Variants in APPL2 observed in about 807,000 individuals in gnomAD.
APPL2 encodes the protein DCC-interacting protein 13-beta.
APPL2 carries 84 observed loss-of-function variants against 92.7 expected under a neutral mutation model. The ratio of observed to expected loss-of-function variants is 0.91; its 90% CI spans 0.76 to 1.09. APPL2 has a LOEUF of 1.09. APPL2 is among the 50% of genes least tolerant of loss of function. APPL2 has a pLI of 0.00. For synonymous variants in APPL2, 291 were observed against 291.0 expected (o/e 1.00, Z 0.00); for missense variants, 736 against 824.5 (o/e 0.89, Z 1.31).
intron 1 of APPL2, among the ~76,000 whole-genome samples, chr12:105,231,048 A>G (rs1485300802): frequency 2.0e-5 from 3 of 152,228 alleles, no homozygotes; most frequent in Non-Finnish European, 2.9e-5. Context: ...ATGCATACAC[A>G]TTGTGGCTTT....
chr12:105,217,207 C>G, intron 3 of APPL2, 67 bp from the exon 4 acceptor site: 1 of 1,036,438 alleles, frequency 9.6e-7, no homozygotes, highest in Non-Finnish European at 1.5e-6. Flanking sequence ...GAAGCATCAC[C>G]TGCAGAACAC....
chr12:105,186,724 TATC>T lies in APPL2; in HGVS notation c.1634+1546_1634+1548del, dbSNP rs1379317172. Reference sequence around the variant, plus strand: ...CATATCATATATCATATCATATATATATCATATATATCATATATATATAAACAT... The same window carrying T: ...CATATCATATATCATATCATATATATATATATATCATATATATATAAACAT... On this transcript the variant is annotated intron_variant, in intron 17 of 20. Transcript: ENST00000258530. Among the ~76,000 whole-genome samples, 52 of 146,750 alleles carry T rather than the reference TATC, an allele frequency of 3.5e-4. 2 individuals are homozygous for T. In the East Asian group the frequency reaches 0.01, roughly 30 times the overall value.
intron 10 of APPL2, among the ~76,000 whole-genome samples, chr12:105,198,961 G>A (rs566033648): frequency 4.6e-5 from 7 of 152,254 alleles, no homozygotes; most frequent in Non-Finnish European, 7.4e-5. Flanking sequence ...AGTATGAATC[G>A]AACTGACTCT....
Position 105,199,353 on chromosome 12 carries a change from G to A in APPL2, c.863+20C>T. On this transcript the variant is annotated intron_variant, in intron 10 of 20. Coordinates refer to ENST00000258530, the MANE Select transcript of APPL2 (RefSeq NM_018171.5). Reference sequence around the variant, plus strand: ...GGGAAAACGGATTTCAGAAAAAGAGGCAGACGGTGGCGTTCTCACTTTCTA... The same window carrying A: ...GGGAAAACGGATTTCAGAAAAAGAGACAGACGGTGGCGTTCTCACTTTCTA... The A allele has an allele frequency of 6.3e-7, 1 of 1,599,616 alleles. No individual in the cohort carries two copies. Among genetic ancestry groups the A allele is most frequent in the Non-Finnish European group, 8.5e-7 (1 of 1,172,616 alleles).
Position 105,179,765 on chromosome 12 carries a change from G to A in APPL2, c.1635-2503C>T, listed in dbSNP as rs114936533. Among the ~76,000 whole-genome samples the A allele has an allele frequency of 4.0e-3, 602 of 150,620 alleles. 2 individuals carry two copies. The highest frequency in any genetic ancestry group is 0.014 in the African/African-American group (564 of 41,294). On this transcript the variant is annotated intron_variant, in intron 17 of 20. Coordinates refer to ENST00000258530, the MANE Select transcript of APPL2 (RefSeq NM_018171.5). ...GAGCTTTTTTTCACGTTTGTCAGCCGCATGTCTTCTTTTGAAAAATGTCTG... is the reference window on the plus strand; with the variant it reads ...GAGCTTTTTTTCACGTTTGTCAGCCACATGTCTTCTTTTGAAAAATGTCTG...
At position 105,199,618 on chromosome 12, in the gene APPL2, C is replaced by T. The variant is rs964846530; in HGVS notation, c.705-87G>A. 39 of 1,441,788 alleles carry T rather than the reference C, an allele frequency of 2.7e-5. No homozygotes were observed. In the South Asian group the frequency reaches 3.0e-4, roughly 11 times the overall value. 89.3% of individuals were successfully genotyped at this position (1,441,788 alleles called of 1,614,324 possible). A position where few individuals can be genotyped will look rare whatever the true frequency, so the allele number is the denominator to read the frequency against. ...CCACTGGCAGCCATCACTCCACCCC[C>T]GCAAAGCTTCCGGCCTTACAGATGG... On this transcript the variant is annotated intron_variant, in intron 9 of 20. Coordinates refer to ENST00000258530, the MANE Select transcript of APPL2 (RefSeq NM_018171.5).
chr12:105,181,925 A>G (rs1349904087), intron 17 of APPL2, among the ~76,000 whole-genome samples: 1 of 152,092 alleles, frequency 6.6e-6, no homozygotes, highest in Non-Finnish European at 1.5e-5. Flanking sequence ...TCCTGGATTC[A>G]TTGATTTTTG....
At chr12:105,182,685 C>A (rs1469331978) in intron 17 of APPL2, among the ~76,000 whole-genome samples, 1 of 152,120 alleles carries the variant, frequency 6.6e-6, no homozygotes, top group Non-Finnish European at 1.5e-5. Context: ...ATTATGTGGT[C>A]AATTTTAGAA....
At chr12:105,217,316 AG>A (rs1339190489) in intron 3 of APPL2, among the ~76,000 whole-genome samples, 176 bp from the exon 4 acceptor site, 2 of 152,154 alleles carry the variant, frequency 1.3e-5, no homozygotes, top group African/African-American at 4.8e-5. Flanking sequence ...TCCTGCCCCC[AG>A]GGTGCACTCA....
At chr12:105,221,317 T>C (rs1890086326) in intron 2 of APPL2, among the ~76,000 whole-genome samples, 1 of 152,244 alleles carries the variant, frequency 6.6e-6, no homozygotes, top group Non-Finnish European at 1.5e-5. Context: ...TAAATGTTTT[T>C]CATATATTAT....
chr12:105,189,413 CT>C (rs1329686315), intron 16 of APPL2, among the ~76,000 whole-genome samples: 1 of 152,176 alleles, frequency 6.6e-6, no homozygotes, highest in Non-Finnish European at 1.5e-5. Context: ...TTTGTGTCAT[CT>C]TCAAATTCAA....
chr12:105,189,579 G>A (rs1476762699), intron 16 of APPL2, among the ~76,000 whole-genome samples, 193 bp downstream of exon 16: 1 of 152,110 alleles, frequency 6.6e-6, no homozygotes, highest in Non-Finnish European at 1.5e-5. Context: ...AGCTGTAGGT[G>A]GTCTTTCAGC....
intron 19 of APPL2, 80 bp from the exon 20 acceptor site, chr12:105,176,162 G>C: frequency 7.7e-7 from 1 of 1,294,892 alleles, no homozygotes; most frequent in Non-Finnish European, 1.1e-6. Context: ...TGGGAGTACA[G>C]TGAGGTCACT....
chr12:105,206,876 C>T, intron 8 of APPL2, 185 bp downstream of exon 8: 2 of 670,238 alleles, frequency 3.0e-6, no homozygotes, highest in Non-Finnish European at 4.8e-6. Flanking sequence ...GAGGCCAATG[C>T]ATGTCCAGCT....
rs370564594 is a variant in APPL2 at position 105,214,511 on chromosome 12, C to T, written c.285+2558G>A. On this transcript the variant is annotated intron_variant, in intron 4 of 20. Transcript: ENST00000258530. Reference sequence around the variant, plus strand: ...TCTATGTATCTTTTATCCATTTCAACACATCTGAGAGAGAGCCACGCAGTG... The same window carrying T: ...TCTATGTATCTTTTATCCATTTCAATACATCTGAGAGAGAGCCACGCAGTG... 2.0e-4 allele frequency among the ~76,000 whole-genome samples: 31 copies of T among 152,352 alleles called. No homozygotes were observed. In the East Asian group the frequency reaches 4.8e-3, roughly 24 times the overall value.
chr12:105,193,204 A>G (rs1887373047), intron 14 of APPL2, among the ~76,000 whole-genome samples: 1 of 152,112 alleles, frequency 6.6e-6, no homozygotes, highest in Non-Finnish European at 1.5e-5. Flanking sequence ...GAATAGGGGG[A>G]AAAGTCAGTT....
rs557704126 is a variant in APPL2, at chr12:105,200,035, C to T, written c.705-504G>A. On this transcript the variant is annotated intron_variant, in intron 9 of 20. Transcript: ENST00000258530. ...ATTTTTAGTAGAGACGGGGTTTCAC[C>T]GTGTTCGCCAGGACGGTCTCGATCT... 4.0e-5 allele frequency among the ~76,000 whole-genome samples: 6 copies of T among 151,854 alleles called. No homozygotes were observed. The East Asian group carries it at 7.8e-4, about 20-fold the overall frequency.
intron 17 of APPL2, among the ~76,000 whole-genome samples, chr12:105,187,383 T>G (rs1264817691): frequency 1.3e-5 from 2 of 152,208 alleles, no homozygotes; most frequent in Non-Finnish European, 2.9e-5. Context: ...CCTCATGACA[T>G]TTATTCCTCA....
intron 20 of APPL2, 85 bp from the exon 21 acceptor site, chr12:105,174,533 G>T: frequency 7.0e-7 from 1 of 1,424,784 alleles, no homozygotes; most frequent in Non-Finnish European, 9.4e-7. Flanking sequence ...AATATGTTCT[G>T]TAATCTAGTC....
Sources: gnomAD v4.1 joint callset for allele counts (sites outside exome capture counted in the v4.1 genomes callset) on GRCh38, gnomAD v4.1.1 for gene constraint, MANE v1.5 for transcripts, NCBI Gene and HGNC (gene_info 2026-07-23, HGNC 2026-07-21) for gene names.